Variants in PIN4 observed in about 807,000 individuals in gnomAD.
PIN4 encodes peptidyl-prolyl cis-trans isomerase NIMA-interacting 4.
Under a neutral mutation model 8.3 loss-of-function variants are expected in PIN4, and 3 were observed. The ratio of observed to expected loss-of-function variants is 0.36; its 90% CI spans 0.16 to 0.93. The LOEUF is 0.93. PIN4 is among the 40% of genes least tolerant of loss of function. PIN4 has a pLI of 0.44. For missense variants in PIN4, 75 were observed against 100.6 expected (o/e 0.75, Z 1.09); for synonymous variants, 18 against 32.5 (o/e 0.55, Z 1.52).
At chrX:72,222,601 T>C (rs930479052) in intron 3 of PIN4, among the ~76,000 whole-genome samples, 2 of 105,968 alleles carry the variant, frequency 1.9e-5, no homozygotes, top group Non-Finnish European at 2.0e-5. Flanking sequence ...CAGCCTTTTT[T>C]TTTTTTTTTT....
Position 72,197,880 on chromosome X carries a change from C to T in PIN4, c.*354C>T. 5.2e-6 allele frequency: 4 copies of T among 762,868 alleles called. No homozygotes were observed. The highest frequency in any genetic ancestry group is 4.7e-6 in the Non-Finnish European group (3 of 641,813). 62.9% of individuals were successfully genotyped at this position (762,868 alleles called of 1,213,427 possible). ...GAAGCAGATATCAACTCACACTATT[C>T]ACACAACTGAAAATATTGGGCATCA... On this transcript the variant is annotated 3_prime_UTR_variant, in exon 4 of 4. Coordinates refer to ENST00000373669, the MANE Select transcript of PIN4 (RefSeq NM_006223.4).
chrX:72,261,602 A>G (rs2043140363), intron 3 of PIN4, among the ~76,000 whole-genome samples: 1 of 112,080 alleles, frequency 8.9e-6, no homozygotes, highest in African/African-American at 3.2e-5. Flanking sequence ...TGAGGGTGAG[A>G]GAGGAGAGAG....
rs749768604 is a variant in PIN4 at position 72,197,351 on chromosome X, T to C, written c.238-17T>C. The C allele has an allele frequency of 8.4e-7, 1 of 1,191,580 alleles. No individual in the cohort carries two copies. The highest frequency in any genetic ancestry group is 2.3e-5 in the Admixed American group (1 of 43,868). ...CTTCTGGGCCACTTGATATCACTTA[T>C]CTTTTGGGTTTTTCAGGGTGACTTG... is the stretch of plus-strand genomic sequence containing the variant. On this transcript the variant is annotated splice_polypyrimidine_tract_variant and intron_variant, in intron 3 of 3. Coordinates refer to ENST00000373669, the MANE Select transcript of PIN4 (RefSeq NM_006223.4).
chrX:72,202,929 T>TTG (rs2042795997), downstream of PIN4, among the ~76,000 whole-genome samples: 1 of 111,900 alleles, frequency 8.9e-6, no homozygotes, highest in South Asian at 3.7e-4. Flanking sequence ...TCTCAACTGG[T>TTG]GTCTTTTGTA....
intron 2 of PIN4, among the ~76,000 whole-genome samples, chrX:72,187,618 G>A (rs1427592923): frequency 1.8e-5 from 2 of 111,448 alleles, no homozygotes; most frequent in Admixed American, 9.6e-5. Context: ...GGGCAATATA[G>A]CAAGACCCTG....
Position 72,198,055 on chromosome X carries a change from T to G in PIN4, c.*529T>G, listed in dbSNP as rs1447149646. The G allele has an allele frequency of 2.7e-6, 2 of 749,450 alleles. No homozygotes were observed. The highest frequency in any genetic ancestry group is 3.0e-4 in the East Asian group (2 of 6,607). 61.8% of individuals were successfully genotyped at this position (749,450 alleles called of 1,213,427 possible). A position where few individuals can be genotyped will look rare whatever the true frequency, so the allele number is the denominator to read the frequency against. On this transcript the variant is annotated 3_prime_UTR_variant, in exon 4 of 4. Transcript: ENST00000373669. ...GTTATGCCTTTCAGTGTTAACTCCT[T>G]TCTTTTTAAATAAATGTTTATTGGA...
chrX:72,207,049 A>G, intron 3 of PIN4: 1 of 1,211,574 alleles, frequency 8.3e-7, no homozygotes, highest in African/African-American at 1.7e-5. Context: ...TTTTTGTCCA[A>G]TTCGGTAAAC....
chrX:72,238,716 A>T, intron 3 of PIN4: 1 of 577,136 alleles, frequency 1.7e-6, no homozygotes, highest in Non-Finnish European at 2.7e-6. Flanking sequence ...TACTGCGAGA[A>T]GAGCGCGAGC....
intron 3 of PIN4, chrX:72,206,354 T>C: frequency 8.3e-7 from 1 of 1,210,650 alleles, no homozygotes; most frequent in Non-Finnish European, 1.1e-6. Context: ...GCACTACCTG[T>C]ACCTTTACCA....
At chrX:72,219,415 G>A (rs1468910970) in intron 3 of PIN4, among the ~76,000 whole-genome samples, 1 of 108,645 alleles carries the variant, frequency 9.2e-6, no homozygotes, top group Non-Finnish European at 1.9e-5. Context: ...TTAGCCGGGC[G>A]TGGTGGCCTG....
At chrX:72,255,330 C>T (rs1037505863) in intron 3 of PIN4, among the ~76,000 whole-genome samples, 75 of 96,659 alleles carry the variant, frequency 7.8e-4, no homozygotes, top group Non-Finnish European at 1.3e-3. Context: ...ATTGTAATGC[C>T]AGCTGGCCGC....
chrX:72,230,132 G>A (rs749346954), intron 3 of PIN4, among the ~76,000 whole-genome samples: 4 of 108,861 alleles, frequency 3.7e-5, no homozygotes, highest in Admixed American at 2.0e-4. Flanking sequence ...CCGAGATTGC[G>A]CCACTGCACT....
intron 2 of PIN4, among the ~76,000 whole-genome samples, chrX:72,189,854 T>C (rs558501352): frequency 1.8e-5 from 2 of 111,472 alleles, no homozygotes; most frequent in African/African-American, 6.5e-5. Flanking sequence ...TTGTTTCAAG[T>C]GTTTTTTGAA....
chrX:72,219,245 G>T (rs758356713), intron 3 of PIN4, among the ~76,000 whole-genome samples: 3 of 109,216 alleles, frequency 2.7e-5, no homozygotes, highest in Admixed American at 9.8e-5. Context: ...AACAGAATGA[G>T]ACCCTGTCCC....
intron 3 of PIN4, among the ~76,000 whole-genome samples, chrX:72,251,134 G>A (rs1444501723): frequency 1.2e-4 from 13 of 104,562 alleles, no homozygotes; most frequent in African/African-American, 4.2e-4. Flanking sequence ...GAGGCGGGCG[G>A]ATCACAAGGT....
chrX:72,215,939 C>T (rs1295475030), intron 3 of PIN4, among the ~76,000 whole-genome samples: 1 of 110,504 alleles, frequency 9.0e-6, no homozygotes, highest in Non-Finnish European at 1.9e-5. Flanking sequence ...ATCCACATAT[C>T]CCCTATAAAA....
At chrX:72,233,343 G>A (rs2042996437) in intron 3 of PIN4, among the ~76,000 whole-genome samples, 1 of 111,733 alleles carries the variant, frequency 8.9e-6, no homozygotes. Context: ...AAAGTGGAGG[G>A]GAGGGGAGAA....
intron 3 of PIN4, chrX:72,205,983 C>T (rs1345468158): frequency 8.3e-7 from 1 of 1,211,278 alleles, no homozygotes; most frequent in Non-Finnish European, 1.1e-6. Context: ...GAGCATCCTG[C>T]AGTGCACTAT....
At chrX:72,206,353 G>A (rs2042819997) in intron 3 of PIN4, 1 of 1,210,246 alleles carries the variant, frequency 8.3e-7, no homozygotes, top group South Asian at 1.8e-5. Flanking sequence ...AGCACTACCT[G>A]TACCTTTACC....
Sources: allele counts gnomAD v4.1 joint callset (sites outside exome capture counted in the v4.1 genomes callset), GRCh38; gene constraint gnomAD v4.1.1; transcripts MANE v1.5; gene names NCBI Gene and HGNC (gene_info 2026-07-23, HGNC 2026-07-21).